The following MAX variants were observed in gnomAD, a reference collection of about 807,000 sequenced individuals.
The protein encoded by MAX is MYC associated transcriptional regulator X.
MAX carries 3 observed loss-of-function variants against 22.3 expected under a neutral mutation model. The observed-to-expected ratio is 0.13, with a 90% CI of 0.06 to 0.35. The LOEUF (loss-of-function observed/expected upper bound fraction) is 0.35. Among genes scored for constraint, MAX ranks in the 10% least tolerant of loss-of-function variants. The probability of loss-of-function intolerance (pLI) is 1.00; values close to 1 mark genes in which losing one functional copy is unlikely to be tolerated. For synonymous variants in MAX, 72 were observed against 77.7 expected, an observed-to-expected ratio of 0.93 and a Z score of 0.39; for missense variants, 119 against 209.4, an observed-to-expected ratio of 0.57 and a Z score of 2.66.
chr14:65,013,740 G>T (rs1395039210), intron 3 of MAX, among the ~76,000 whole-genome samples: 1 of 152,134 alleles, frequency 6.6e-6, no homozygotes, highest in Non-Finnish European at 1.5e-5. Context: ...TAGAGACAGG[G>T]TTTCACCATA....
intron 3 of MAX, among the ~76,000 whole-genome samples, chr14:65,091,616 T>C (rs768567539): frequency 6.6e-6 from 1 of 152,220 alleles, no homozygotes; most frequent in South Asian, 2.1e-4. Context: ...GTCTCAGTGC[T>C]ACCACACTTG....
chr14:65,051,797 A>AT (rs776155113), intron 3 of MAX, among the ~76,000 whole-genome samples: 14,344 of 142,074 alleles, frequency 0.1, 904 homozygotes, highest in Admixed American at 0.16. Context: ...CACCATAGGA[A>AT]TTTTTTTTTT....
In MAX at chr14:65,054,662, G is replaced by T. The variant is rs772897723; in HGVS notation, c.171+39046C>A. The T allele has an allele frequency of 1.2e-6, 2 of 1,612,864 alleles. No individual in the cohort carries two copies. Among genetic ancestry groups the T allele is most frequent in the South Asian group, 1.1e-5 (1 of 90,680 alleles). ...GCAGCGGAGCCATGTTGCATGATGT[G>T]GTCCTGGGTGTGCCCGAAAACGCTC... On this transcript the variant is annotated intron_variant, in intron 3 of 3. Transcript: ENST00000341653. This position sits in a 1 kb window ranked among gnomAD's most constrained non-coding sequence, Gnocchi z 4.4.
intron 2 of MAX, among the ~76,000 whole-genome samples, chr14:65,097,510 C>T (rs958190576): frequency 2.0e-4 from 31 of 152,198 alleles, no homozygotes; most frequent in African/African-American, 7.5e-4. Flanking sequence ...GCTAACCCCA[C>T]CTATAAGGGG....
At chr14:65,046,962 CA>C (rs1212105742) in intron 3 of MAX, among the ~76,000 whole-genome samples, 2 of 151,436 alleles carry the variant, frequency 1.3e-5, no homozygotes, top group South Asian at 2.1e-4. Flanking sequence ...ACAAAACAAG[CA>C]AAAAGGTGCG....
intron 3 of MAX, among the ~76,000 whole-genome samples, chr14:65,024,386 C>G (rs1385111794): frequency 6.6e-6 from 1 of 152,152 alleles, no homozygotes; most frequent in Non-Finnish European, 1.5e-5. Context: ...AGTGATGGCT[C>G]AAGCTTTGCA....
intron 3 of MAX, among the ~76,000 whole-genome samples, chr14:65,016,717 G>A (rs2061779868): frequency 1.3e-5 from 2 of 152,150 alleles, no homozygotes; most frequent in South Asian, 4.1e-4. Flanking sequence ...AGGGTGTCTT[G>A]TGATGAATGT....
At chr14:65,098,176 A>G (rs2063722506) in intron 2 of MAX, among the ~76,000 whole-genome samples, 1 of 152,230 alleles carries the variant, frequency 6.6e-6, no homozygotes, top group Non-Finnish European at 1.5e-5. Context: ...ACATTTAGGA[A>G]CTAACTCTGG....
Position 65,075,651 on chromosome 14 carries a change from A to G in MAX, c.*825T>C. ...ATTTAAGTAGCAGGAAATAAATATC[A>G]AAACATCATCACTGGCCCTCAATAC... On this transcript the variant is annotated 3_prime_UTR_variant, in exon 5 of 5. Coordinates refer to ENST00000358664, the MANE Select transcript of MAX (RefSeq NM_002382.5). This position sits in a 1 kb window ranked among gnomAD's most constrained non-coding sequence, Gnocchi z 4.1. The G allele has an allele frequency of 9.4e-7, 1 of 1,066,488 alleles. No individual in the cohort carries two copies. The highest frequency in any genetic ancestry group is 1.1e-6 in the Non-Finnish European group (1 of 879,812). The allele number at this position is 1,066,488 out of a possible 1,614,324, so 66.1% of individuals were successfully genotyped here.
rs140308931 is a variant in MAX at position 65,091,263 on chromosome 14, T to C, written c.171+2445A>G. ...AACTGATAAGTCTAAGGGACCAAAA[T>C]ATTCTGTTCGACTCACGGCACCTAT... On this transcript the variant is annotated intron_variant, in intron 3 of 4. Transcript: ENST00000358664. Among the ~76,000 whole-genome samples the C allele has an allele frequency of 3.2e-3, 483 of 152,294 alleles. 5 individuals are homozygous for C. The highest frequency in any genetic ancestry group is 0.011 in the African/African-American group (454 of 41,558).
At chr14:65,017,449 G>A (rs73268780) in intron 3 of MAX, among the ~76,000 whole-genome samples, 44 of 152,206 alleles carry the variant, frequency 2.9e-4, no homozygotes, top group Admixed American at 2.0e-3. Context: ...AGAATCACAG[G>A]GGGTGCCTGA....
rs1214419012 is a variant in MAX at position 65,029,120 on chromosome 14, CCTGACCTTTG to C, written c.172-22846_172-22837del. Among the ~76,000 whole-genome samples, 1 of 152,154 alleles carries C rather than the reference CCTGACCTTTG, an allele frequency of 6.6e-6. No homozygotes were observed. The highest frequency in any genetic ancestry group is 2.4e-5 in the African/African-American group (1 of 41,444). ...GCCAAGCACTGTAGCCATATTCTTC[CCTGACCTTTG>C]CTCTTTGGGTGATGCTCTGCCATTC... On this transcript the variant is annotated intron_variant, in intron 3 of 3. Coordinates refer to the MAX transcript ENST00000341653. The surrounding 1 kb of genome is among the most constrained non-coding windows in gnomAD (Gnocchi z 4.7).
At chr14:65,060,886 A>C (rs939898852) in intron 3 of MAX, among the ~76,000 whole-genome samples, 4 of 151,394 alleles carry the variant, frequency 2.6e-5, no homozygotes, top group African/African-American at 9.7e-5. Context: ...AAAAAAAAAA[A>C]AAAAAAAAAC....
chr14:65,041,650 G>A (rs1464164984), intron 3 of MAX, among the ~76,000 whole-genome samples: 2 of 152,208 alleles, frequency 1.3e-5, no homozygotes, highest in African/African-American at 2.4e-5. Flanking sequence ...GGCCCATCGT[G>A]AGCTTCCTGG....
intron 3 of MAX, among the ~76,000 whole-genome samples, chr14:65,063,876 A>G (rs775428273): frequency 6.6e-6 from 1 of 152,172 alleles, no homozygotes; most frequent in Non-Finnish European, 1.5e-5. Context: ...GAGATTTATT[A>G]TGTGACTCCT....
At chr14:65,067,431 C>T (rs1184888831) in intron 3 of MAX, among the ~76,000 whole-genome samples, 1 of 152,086 alleles carries the variant, frequency 6.6e-6, no homozygotes, top group Non-Finnish European at 1.5e-5. Flanking sequence ...GTCCCAAGAT[C>T]CCACCCAGGA....
At chr14:65,020,868 A>C (rs2061873865) in intron 3 of MAX, among the ~76,000 whole-genome samples, 1 of 150,846 alleles carries the variant, frequency 6.6e-6, no homozygotes, top group Non-Finnish European at 1.5e-5. Flanking sequence ...AGTAGCTAGG[A>C]TTACAGGGGT....
chr14:65,061,504 T>A, intron 3 of MAX: 1 of 1,050,628 alleles, frequency 9.5e-7, no homozygotes, highest in Middle Eastern at 3.3e-4. Flanking sequence ...TTTTAAAAAT[T>A]CTTTCCACAC....
chr14:65,076,744 G>A lies in MAX; in HGVS notation c.296-81C>T. ...GAGTCTCAGACTCAGGGTCCAGCCT[G>A]TTCTTCCTAAGGGCTTGCTTGTTGG... On this transcript the variant is annotated intron_variant, in intron 4 of 4. Coordinates refer to ENST00000358664, the MANE Select transcript of MAX (RefSeq NM_002382.5). The surrounding 1 kb of genome is among the most constrained non-coding windows in gnomAD (Gnocchi z 6.6). 1 of 1,558,526 alleles carries A rather than the reference G, an allele frequency of 6.4e-7. No homozygotes were observed. The highest frequency in any genetic ancestry group is 8.8e-7 in the Non-Finnish European group (1 of 1,130,060).
Sources: allele counts gnomAD v4.1 joint callset (sites outside exome capture counted in the v4.1 genomes callset), GRCh38; gene constraint gnomAD v4.1.1; non-coding constraint Gnocchi (gnomAD v3.1); transcripts MANE v1.5; gene names NCBI Gene and HGNC (gene_info 2026-07-23, HGNC 2026-07-21).